The following COLEC12 variants were observed in gnomAD, a reference collection of about 807,000 sequenced individuals.
COLEC12 encodes collectin subfamily member 12, also known as collectin-12.
COLEC12 carries 33 observed loss-of-function variants against 71.1 expected under a neutral mutation model. The ratio of observed to expected loss-of-function variants is 0.46; its 90% CI spans 0.35 to 0.62. The LOEUF is 0.62. COLEC12 is among the 20% of genes least tolerant of loss of function. The probability of loss-of-function intolerance (pLI) is 0.00; values close to 1 mark genes in which losing one functional copy is unlikely to be tolerated. For missense variants in COLEC12, 765 were observed against 916.1 expected (o/e 0.84, Z 2.13); for synonymous variants, 350 against 353.0 (o/e 0.99, Z 0.10).
At chr18:344,906 G>A (rs148040283) in intron 5 of COLEC12, among the ~76,000 whole-genome samples, 127 of 152,372 alleles carry the variant, frequency 8.3e-4, no homozygotes, top group African/African-American at 2.9e-3. Flanking sequence ...GCTTTAGCAG[G>A]TCATCCATGC....
At chr18:475,576 C>G (rs1917289055) in intron 2 of COLEC12, among the ~76,000 whole-genome samples, 1 of 152,172 alleles carries the variant, frequency 6.6e-6, no homozygotes, top group Non-Finnish European at 1.5e-5. Flanking sequence ...TTATCTTGAG[C>G]AGCTTCCCAA....
chr18:348,205 A>G (rs1177257592), intron 3 of COLEC12, 42 bp from the exon 4 acceptor site: 4 of 1,216,184 alleles, frequency 3.3e-6, no homozygotes, highest in Non-Finnish European at 4.8e-6. Context: ...ATATCTGCTC[A>G]TATTTTATTT....
At chr18:436,205 T>G (rs903632134) in intron 2 of COLEC12, among the ~76,000 whole-genome samples, 1 of 152,202 alleles carries the variant, frequency 6.6e-6, no homozygotes, top group Admixed American at 6.5e-5. Context: ...CTTTTTATTT[T>G]GCAGGCAATA....
At chr18:361,440 C>T (rs919179761) in intron 2 of COLEC12, among the ~76,000 whole-genome samples, 2 of 152,090 alleles carry the variant, frequency 1.3e-5, no homozygotes, top group African/African-American at 2.4e-5. Flanking sequence ...GGAATCTAGC[C>T]TCACCCTTTA....
At chr18:402,905 T>G (rs1371911144) in intron 2 of COLEC12, among the ~76,000 whole-genome samples, 1 of 152,148 alleles carries the variant, frequency 6.6e-6, no homozygotes, top group Admixed American at 6.5e-5. Flanking sequence ...CACTTCTCCT[T>G]CAAGGGTTAA....
chr18:422,514 T>C (rs1239260593), intron 2 of COLEC12, among the ~76,000 whole-genome samples: 2 of 152,176 alleles, frequency 1.3e-5, no homozygotes, highest in Admixed American at 1.3e-4. Context: ...TACAAATGCA[T>C]ACTCATTAAA....
chr18:395,755 G>A (rs762121975), intron 2 of COLEC12, among the ~76,000 whole-genome samples: 7 of 152,192 alleles, frequency 4.6e-5, no homozygotes, highest in Non-Finnish European at 1.0e-4. Context: ...AATGTTTCTT[G>A]TTAAAAGACC....
chr18:482,176 C>T (rs1179577697), intron 1 of COLEC12, among the ~76,000 whole-genome samples: 2 of 149,574 alleles, frequency 1.3e-5, no homozygotes, highest in Non-Finnish European at 3.0e-5. Context: ...AGTGCAGTGG[C>T]GCGATCTCGG....
chr18:454,017 A>T (rs1176127544), intron 2 of COLEC12, among the ~76,000 whole-genome samples: 2 of 152,230 alleles, frequency 1.3e-5, no homozygotes, highest in African/African-American at 2.4e-5. Context: ...AACCTCCTAC[A>T]GATCTCCCTG....
chr18:374,856 A>C (rs888793589), intron 2 of COLEC12, among the ~76,000 whole-genome samples: 1 of 152,244 alleles, frequency 6.6e-6, no homozygotes, highest in Admixed American at 6.5e-5. Flanking sequence ...CCAGTTAAGT[A>C]GCATCATCAA....
chr18:381,928 T>C (rs1915240654), intron 2 of COLEC12, among the ~76,000 whole-genome samples: 3 of 152,230 alleles, frequency 2.0e-5, no homozygotes, highest in South Asian at 2.1e-4. Flanking sequence ...AAATAATGAC[T>C]GGATTTACAA....
rs571193251 is a variant in COLEC12 at position 414,829 on chromosome 18, C to T, written c.59-57307G>A. 9.3e-4 allele frequency among the ~76,000 whole-genome samples: 141 copies of T among 152,314 alleles called. 4 individuals are homozygous for T. In the South Asian group the frequency reaches 0.028, roughly 30 times the overall value. ...GCCTGCAGACCACAGCAAACAGGTG[C>T]TGCTTCTCTAGAACTGCTGATTAAG... is the stretch of plus-strand genomic sequence containing the variant. On this transcript the variant is annotated intron_variant, in intron 2 of 9. Transcript: ENST00000400256.
intron 2 of COLEC12, among the ~76,000 whole-genome samples, chr18:375,877 A>C (rs1182763206): frequency 6.6e-6 from 1 of 152,220 alleles, no homozygotes; most frequent in East Asian, 1.9e-4. Flanking sequence ...CCTGTAAAAC[A>C]CCTGAACGGC....
intron 2 of COLEC12, among the ~76,000 whole-genome samples, chr18:400,640 A>G (rs571035420): frequency 6.6e-6 from 1 of 152,218 alleles, no homozygotes; most frequent in Non-Finnish European, 1.5e-5. Context: ...AAAAACTGGC[A>G]GCCTGTGGTT....
At chr18:398,579 C>T (rs897044213) in intron 2 of COLEC12, among the ~76,000 whole-genome samples, 1 of 152,192 alleles carries the variant, frequency 6.6e-6, no homozygotes, top group South Asian at 2.1e-4. Context: ...GTACACTCAG[C>T]GGTCCCTGAT....
intron 2 of COLEC12, among the ~76,000 whole-genome samples, chr18:438,802 C>CA (rs55912485): frequency 0.55 from 72,262 of 132,582 alleles, 19,861 homozygotes; most frequent in South Asian, 0.65. Context: ...GACCTTGTCT[C>CA]AAAAAAAAAA....
At chr18:393,921 G>A (rs534129194) in intron 2 of COLEC12, among the ~76,000 whole-genome samples, 48 of 152,304 alleles carry the variant, frequency 3.2e-4, no homozygotes, top group African/African-American at 1.1e-3. Flanking sequence ...GGAAACTTAA[G>A]ATGTTTGTTA....
rs1254485730 is a variant in COLEC12 at position 361,876 on chromosome 18, G to C, written c.59-4354C>G. Among the ~76,000 whole-genome samples the C allele has an allele frequency of 2.6e-5, 4 of 152,166 alleles. No individual in the cohort carries two copies. In the South Asian group the frequency reaches 6.2e-4, roughly 24 times the overall value. On this transcript the variant is annotated intron_variant, in intron 2 of 9. Coordinates refer to ENST00000400256, the MANE Select transcript of COLEC12 (RefSeq NM_130386.3). ...CTTTTGGATTTTTGGACCATGCTGG[G>C]TGAGCTTCTTATGCCTCTTCAGGAT...
intron 2 of COLEC12, among the ~76,000 whole-genome samples, chr18:440,566 T>C (rs779093144): frequency 4.6e-5 from 7 of 152,138 alleles, no homozygotes; most frequent in Non-Finnish European, 1.0e-4. Context: ...GAATAGCACA[T>C]ATAGCAACAA....
Sources: gnomAD v4.1 joint callset for allele counts (sites outside exome capture counted in the v4.1 genomes callset) on GRCh38, gnomAD v4.1.1 for gene constraint, MANE v1.5 for transcripts, NCBI Gene and HGNC (gene_info 2026-07-23, HGNC 2026-07-21) for gene names.